Variants in RIMS1 observed in about 807,000 individuals in gnomAD.
The protein encoded by RIMS1 is regulating synaptic membrane exocytosis 1.
A neutral mutation model predicts 214.1 loss-of-function variants in RIMS1; 83 were observed. The ratio of observed to expected loss-of-function variants is 0.39; its 90% CI spans 0.32 to 0.47. The LOEUF is 0.47. RIMS1 is among the 20% of genes least tolerant of loss of function. The pLI is 0.99. For synonymous variants in RIMS1, 793 were observed against 786.8 expected, an observed-to-expected ratio of 1.01 and a Z score of -0.13; for missense variants, 2,050 against 2,161.8, an observed-to-expected ratio of 0.95 and a Z score of 1.03.
Position 72,190,743 on chromosome 6 carries a change from C to A in RIMS1, c.1678+7594C>A, listed in dbSNP as rs115122336. Among the ~76,000 whole-genome samples the A allele has an allele frequency of 2.9e-3, 447 of 152,244 alleles. 1 individual carries two copies. The highest frequency in any genetic ancestry group is 0.01 in the African/African-American group (430 of 41,540). On this transcript the variant is annotated intron_variant, in intron 6 of 33. Transcript: ENST00000521978. ...CTTGTGCCTCAGGACCTGCTTGAGC[C>A]TGATCACATATATGCCACTTCCATT...
chr6:72,390,437 C>T (rs1436666047), intron 29 of RIMS1, among the ~76,000 whole-genome samples, 161 bp from the exon 30 acceptor site: 2 of 152,166 alleles, frequency 1.3e-5, no homozygotes, highest in Admixed American at 1.3e-4. Context: ...CATACTTTGG[C>T]AAGGAGCCTG....
intron 7 of RIMS1, among the ~76,000 whole-genome samples, chr6:72,235,168 A>G (rs1259328490): frequency 6.6e-6 from 1 of 152,166 alleles, no homozygotes. Flanking sequence ...GGTAATTAGC[A>G]TATCCATCAT....
intron 6 of RIMS1, among the ~76,000 whole-genome samples, chr6:72,187,525 G>A (rs999239034): frequency 1.4e-5 from 2 of 144,606 alleles, no homozygotes; most frequent in Non-Finnish European, 3.0e-5. Flanking sequence ...GTCACCAGGC[G>A]GAGTACAGTG....
At chr6:72,161,215 G>A (rs2045353646) in intron 4 of RIMS1, among the ~76,000 whole-genome samples, 1 of 140,628 alleles carries the variant, frequency 7.1e-6, no homozygotes, top group African/African-American at 2.5e-5. Context: ...TTGTATTTCT[G>A]TGGGATTGGT....
intron 2 of RIMS1, among the ~76,000 whole-genome samples, chr6:72,003,014 T>C (rs998749285): frequency 1.3e-5 from 2 of 152,150 alleles, no homozygotes; most frequent in East Asian, 3.9e-4. Context: ...TAATGAAATA[T>C]CCATTTTTAT....
chr6:72,377,403 G>A (rs2154411482), intron 29 of RIMS1, among the ~76,000 whole-genome samples: 1 of 152,282 alleles, frequency 6.6e-6, no homozygotes, highest in East Asian at 1.9e-4. Context: ...GGATTCCATG[G>A]ATCTGAAGGT....
intron 6 of RIMS1, among the ~76,000 whole-genome samples, chr6:72,218,563 G>C (rs2057236033): frequency 6.6e-6 from 1 of 152,156 alleles, no homozygotes; most frequent in Non-Finnish European, 1.5e-5. Flanking sequence ...ATATTTTTTA[G>C]TGAGGATGGA....
At chr6:72,183,910 T>G (rs1562521304) in intron 6 of RIMS1, among the ~76,000 whole-genome samples, 1 of 152,158 alleles carries the variant, frequency 6.6e-6, no homozygotes, top group East Asian at 1.9e-4. Context: ...AACACACACT[T>G]ATAGACTACG....
chr6:72,107,299 G>A (rs533570113), intron 4 of RIMS1, among the ~76,000 whole-genome samples: 7 of 152,170 alleles, frequency 4.6e-5, no homozygotes, highest in African/African-American at 1.2e-4. Flanking sequence ...GGTAGCTCAC[G>A]CCTGTAATCC....
Position 71,908,084 on chromosome 6 carries a change from A to C in RIMS1, c.164+20897A>C, listed in dbSNP as rs989816853. Among the ~76,000 whole-genome samples, 4 of 152,182 alleles carry C rather than the reference A, an allele frequency of 2.6e-5. No individual in the cohort carries two copies. The South Asian group carries it at 8.3e-4, about 31-fold the overall frequency. On this transcript the variant is annotated intron_variant, in intron 1 of 33. Transcript: ENST00000521978. ...GTTTACCTTTTTGGATTCTTGGTTC[A>C]AGACCAAGGCTGGTCCTGGGCCCCT...
intron 1 of RIMS1, among the ~76,000 whole-genome samples, chr6:71,904,316 T>G (rs527795946): frequency 2.8e-4 from 42 of 152,226 alleles, no homozygotes; most frequent in Admixed American, 1.9e-3. Context: ...AACACCTGTG[T>G]GGGAAGGGAA....
Position 72,034,381 on chromosome 6 carries a change from T to C in RIMS1, c.246-62568T>C, listed in dbSNP as rs144609613. On this transcript the variant is annotated intron_variant, in intron 2 of 33. Coordinates refer to ENST00000521978, the MANE Select transcript of RIMS1 (RefSeq NM_014989.7). ...CGCTTATTAATAATAAAAAGCAAAT[T>C]TCTATTTTGTAAGGATGATTCACAA... Among the ~76,000 whole-genome samples, 10 of 152,244 alleles carry C rather than the reference T, an allele frequency of 6.6e-5. No homozygotes were observed. The East Asian group carries it at 1.7e-3, about 27-fold the overall frequency.
chr6:72,125,924 C>G (rs968977462), intron 4 of RIMS1, among the ~76,000 whole-genome samples: 3 of 152,156 alleles, frequency 2.0e-5, no homozygotes, highest in African/African-American at 7.2e-5. Context: ...AAGGGAAATC[C>G]CCTGACCCCT....
intron 2 of RIMS1, among the ~76,000 whole-genome samples, chr6:71,993,297 G>A (rs922304942): frequency 1.3e-5 from 2 of 152,144 alleles, no homozygotes; most frequent in Non-Finnish European, 1.5e-5. Flanking sequence ...CCTCTGTTCC[G>A]TGACTTTATT....
intron 2 of RIMS1, among the ~76,000 whole-genome samples, chr6:71,998,247 G>T (rs762143201): frequency 2.5e-4 from 38 of 152,038 alleles, no homozygotes; most frequent in Non-Finnish European, 2.9e-4. Context: ...AGCCTCAGTG[G>T]TCGACTCACT....
At chr6:71,980,295 C>T (rs1030905028) in intron 2 of RIMS1, among the ~76,000 whole-genome samples, 2 of 152,056 alleles carry the variant, frequency 1.3e-5, no homozygotes, top group Non-Finnish European at 2.9e-5. Context: ...TGCCTAGGAC[C>T]TTGGGCAAAG....
chr6:72,289,909 A>G (rs2093065541), intron 24 of RIMS1, among the ~76,000 whole-genome samples: 1 of 152,168 alleles, frequency 6.6e-6, no homozygotes, highest in Admixed American at 6.5e-5. Flanking sequence ...GCATTAAAAA[A>G]ATAAGTACAT....
At chr6:72,007,124 A>G (rs769176685) in intron 2 of RIMS1, among the ~76,000 whole-genome samples, 1 of 152,032 alleles carries the variant, frequency 6.6e-6, no homozygotes, top group Non-Finnish European at 1.5e-5. Context: ...TCTGAGACAA[A>G]ACTTCCAGAG....
At position 72,162,732 on chromosome 6, in the gene RIMS1, T is replaced by C. The variant is rs2045637652; in HGVS notation, c.472-16843T>C. Among the ~76,000 whole-genome samples the C allele has an allele frequency of 1.4e-5, 2 of 140,986 alleles. 1 individual carries two copies. The allele number at this position is 140,986 out of a possible 152,430, so 92.5% of individuals were successfully genotyped here. A position where few individuals can be genotyped will look rare whatever the true frequency, so the allele number is the denominator to read the frequency against. ...ATATTGGCCCCCACTGTCTTCTGGCTTGTAGAGTTTCTTCCAAGAGATCAG... is the reference window on the plus strand; with the variant it reads ...ATATTGGCCCCCACTGTCTTCTGGCCTGTAGAGTTTCTTCCAAGAGATCAG... On this transcript the variant is annotated intron_variant, in intron 4 of 33. Coordinates refer to ENST00000521978, the MANE Select transcript of RIMS1 (RefSeq NM_014989.7).
Sources: gnomAD v4.1 joint callset for allele counts (sites outside exome capture counted in the v4.1 genomes callset) on GRCh38, gnomAD v4.1.1 for gene constraint, MANE v1.5 for transcripts, NCBI Gene and HGNC (gene_info 2026-07-23, HGNC 2026-07-21) for gene names.